The following SDK2 variants were observed in gnomAD, a reference collection of about 807,000 sequenced individuals.
SDK2 encodes the protein protein sidekick-2.
In SDK2, 105 loss-of-function variants were observed where a neutral mutation model predicts 253.9. The ratio of observed to expected loss-of-function variants is 0.41; its 90% CI spans 0.35 to 0.49. The LOEUF is 0.49. Among genes scored for constraint, SDK2 ranks in the 20% least tolerant of loss-of-function variants. SDK2 has a pLI of 0.06. For synonymous variants in SDK2, 1,249 were observed against 1,234.9 expected, an observed-to-expected ratio of 1.01 and a Z score of -0.24; for missense variants, 2,608 against 3,003.0, an observed-to-expected ratio of 0.87 and a Z score of 3.07.
chr17:73,342,074 G>C (rs187753785), intron 44 of SDK2, among the ~76,000 whole-genome samples: 2 of 152,028 alleles, frequency 1.3e-5, no homozygotes, highest in Admixed American at 6.5e-5. Context: ...GGATGGGAAC[G>C]AGAGCTCCCC....
chr17:73,547,152 C>T (rs755423898), intron 1 of SDK2, among the ~76,000 whole-genome samples: 5 of 152,238 alleles, frequency 3.3e-5, no homozygotes, highest in Non-Finnish European at 5.9e-5. Flanking sequence ...GTGATATAGT[C>T]AGTGTCTCAC....
chr17:73,474,228 G>A (rs1442877407), intron 2 of SDK2, among the ~76,000 whole-genome samples: 1 of 152,062 alleles, frequency 6.6e-6, no homozygotes, highest in Admixed American at 6.5e-5. Flanking sequence ...ACTTTTATGA[G>A]GACAGTTGCA....
chr17:73,483,703 A>ATTTTTTTTTTTTTTTTTT (rs1425316119), intron 2 of SDK2, among the ~76,000 whole-genome samples: 1 of 60,236 alleles, frequency 1.7e-5, no homozygotes, highest in Non-Finnish European at 2.9e-5. Flanking sequence ...ATATATATAT[A>ATTTTTTTTTTTTTTTTTT]TATATTTTTT....
intron 1 of SDK2, among the ~76,000 whole-genome samples, chr17:73,569,014 G>T (rs1442081584): frequency 6.6e-6 from 1 of 152,088 alleles, no homozygotes; most frequent in Non-Finnish European, 1.5e-5. Context: ...TACACTCATA[G>T]TAACCACAAG....
At chr17:73,462,343 GT>G (rs1392617743) in intron 3 of SDK2, among the ~76,000 whole-genome samples, 1 of 151,918 alleles carries the variant, frequency 6.6e-6, no homozygotes, top group African/African-American at 2.4e-5. Flanking sequence ...GCATGTATAT[GT>G]TTTATGGTGG....
intron 14 of SDK2, among the ~76,000 whole-genome samples, chr17:73,422,688 A>AC (rs1457887181): frequency 4.6e-5 from 7 of 151,464 alleles, no homozygotes; most frequent in Non-Finnish European, 1.0e-4. Flanking sequence ...CTCCCCCACT[A>AC]CCCCCCACAA....
At chr17:73,341,041 G>T (rs2062432280) in intron 44 of SDK2, among the ~76,000 whole-genome samples, 1 of 102,274 alleles carries the variant, frequency 9.8e-6, no homozygotes. Context: ...ACCGCGGCTG[G>T]TCTGTTTTTT....
chr17:73,470,518 A>G (rs2063642090), intron 3 of SDK2, among the ~76,000 whole-genome samples: 1 of 152,218 alleles, frequency 6.6e-6, no homozygotes, highest in African/African-American at 2.4e-5. Context: ...GACTAAGCGA[A>G]GCTCCCGGGG....
intron 2 of SDK2, among the ~76,000 whole-genome samples, chr17:73,479,161 G>T (rs1165508080): frequency 6.6e-6 from 1 of 152,266 alleles, no homozygotes; most frequent in African/African-American, 2.4e-5. Context: ...GTCCACTGGG[G>T]GGTCAGGGGA....
intron 1 of SDK2, among the ~76,000 whole-genome samples, chr17:73,571,041 C>T (rs1046496303): frequency 3.3e-5 from 5 of 150,622 alleles, no homozygotes; most frequent in African/African-American, 1.2e-4. Context: ...CAGGAGTTTG[C>T]TGGGAAGTGG....
Position 73,629,485 on chromosome 17 carries a change from G to A in SDK2, c.64+14540C>T, listed in dbSNP as rs985733149. ...AGGTACACTTTGGCCTTAGTGATTA[G>A]ATACGACCAAGGTGCGTATTTGCTG... On this transcript the variant is annotated intron_variant, in intron 1 of 44. Coordinates refer to ENST00000392650, the MANE Select transcript of SDK2 (RefSeq NM_001144952.2). The surrounding 1 kb of genome is among the most constrained non-coding windows in gnomAD (Gnocchi z 5.0). Among the ~76,000 whole-genome samples the A allele has an allele frequency of 7.2e-5, 11 of 152,300 alleles. No homozygotes were observed. Among genetic ancestry groups the A allele is most frequent in the African/African-American group, 2.2e-4 (9 of 41,556 alleles).
At chr17:73,472,863 G>A (rs1055136048) in intron 2 of SDK2, among the ~76,000 whole-genome samples, 2 of 152,166 alleles carry the variant, frequency 1.3e-5, no homozygotes, top group Admixed American at 6.5e-5. Flanking sequence ...ATAATGGGAA[G>A]TTTCCCTGCA....
At chr17:73,469,993 C>CGCGT (rs56130325) in intron 3 of SDK2, among the ~76,000 whole-genome samples, 1 of 30,994 alleles carries the variant, frequency 3.2e-5, no homozygotes. Flanking sequence ...CGCGCGCGCG[C>CGCGT]ACACACACAC....
intron 1 of SDK2, among the ~76,000 whole-genome samples, chr17:73,617,353 G>C (rs1283344986): frequency 6.6e-6 from 1 of 151,856 alleles, no homozygotes; most frequent in African/African-American, 2.4e-5. Context: ...GGCTTCAGGG[G>C]GTTCTTAGGA....
chr17:73,641,344 A>T (rs1747423876), intron 1 of SDK2, among the ~76,000 whole-genome samples: 1 of 152,216 alleles, frequency 6.6e-6, no homozygotes, highest in South Asian at 2.1e-4. Flanking sequence ...CAGTGTACAG[A>T]TGAGGAAACT....
At chr17:73,544,474 T>C (rs942246821) in intron 1 of SDK2, among the ~76,000 whole-genome samples, 3 of 152,060 alleles carry the variant, frequency 2.0e-5, no homozygotes, top group African/African-American at 4.8e-5. Flanking sequence ...ACTCCACTTA[T>C]TGGATGGAGG....
At chr17:73,600,304 G>A (rs1487983135) in intron 1 of SDK2, among the ~76,000 whole-genome samples, 1 of 152,232 alleles carries the variant, frequency 6.6e-6, no homozygotes, top group Non-Finnish European at 1.5e-5. Flanking sequence ...CATTAAATTG[G>A]TGGCTGTTTC....
intron 1 of SDK2, among the ~76,000 whole-genome samples, chr17:73,554,109 T>G (rs1599674079): frequency 6.6e-6 from 1 of 152,198 alleles, no homozygotes; most frequent in Non-Finnish European, 1.5e-5. Context: ...CAACCCATGG[T>G]CTCTGCCCCC....
At position 73,643,797 on chromosome 17, in the gene SDK2, T is replaced by C. The variant is rs1166647584; in HGVS notation, c.64+228A>G. On this transcript the variant is annotated intron_variant, in intron 1 of 44. Coordinates refer to ENST00000392650, the MANE Select transcript of SDK2 (RefSeq NM_001144952.2). This position sits in a 1 kb window ranked among gnomAD's most constrained non-coding sequence, Gnocchi z 6.9. ...GGCTCTTCTCTGCCTCCCCAGGTCG[T>C]CCCCACCTTCCCCCATTCGGAAGCC... Among the ~76,000 whole-genome samples, 3 of 151,674 alleles carry C rather than the reference T, an allele frequency of 2.0e-5. No individual in the cohort carries two copies. The East Asian group carries it at 5.9e-4, about 30-fold the overall frequency.
Sources: gnomAD v4.1 joint callset for allele counts (sites outside exome capture counted in the v4.1 genomes callset) on GRCh38, gnomAD v4.1.1 for gene constraint, Gnocchi (gnomAD v3.1) non-coding constraint, MANE v1.5 for transcripts, NCBI Gene and HGNC (gene_info 2026-07-23, HGNC 2026-07-21) for gene names.